The following PIK3CB variants were observed in gnomAD, a reference collection of about 807,000 sequenced individuals.
The protein encoded by PIK3CB is phosphatidylinositol 4,5-bisphosphate 3-kinase catalytic subunit beta isoform.
In PIK3CB, 39 loss-of-function variants were observed where a neutral mutation model predicts 136.8. That is an observed-to-expected ratio of 0.29 (90% CI 0.22 to 0.37). The LOEUF is 0.37. Among genes scored for constraint, PIK3CB ranks in the 10% least tolerant of loss-of-function variants. The pLI is 1.00. For synonymous variants in PIK3CB, 428 were observed against 436.6 expected (o/e 0.98, Z 0.25); for missense variants, 868 against 1,275.4 (o/e 0.68, Z 4.87).
chr3:138,834,506 C>T (rs144442634), intron 1 of PIK3CB, among the ~76,000 whole-genome samples, 189 bp downstream of exon 1: 10 of 152,308 alleles, frequency 6.6e-5, no homozygotes, highest in Non-Finnish European at 8.8e-5. Context: ...AAGCCAGACG[C>T]CCCCACCGGC....
rs759331142 is a variant in PIK3CB, at chr3:138,714,665, C to G, written c.1105G>C (p.Val369Leu). 7 of 1,612,446 alleles carry G rather than the reference C, an allele frequency of 4.3e-6. No homozygotes were observed. Among genetic ancestry groups the G allele is most frequent in the Admixed American group, 1.7e-5 (1 of 59,978 alleles). Residue 369 changes from valine (V) to leucine (L), a missense_variant, in exon 9 of 24, where the codon GTA (valine) becomes CTA (leucine). Physicochemically the swap from Val to Leu is conservative, Grantham distance 32. This residue lies in a region of PIK3CB where 612 missense variants were observed against 801.1 expected (regional missense o/e 0.76). Coordinates refer to ENST00000674063, the MANE Select transcript of PIK3CB (RefSeq NM_006219.3). ...HGTELLCKTI[V>L]SSEVSGKNDH... ...TTTTTCCCTGATACCTCTGAGCTTA[C>G]GATGGTTTTACACAGGAGCTCAGTA... is the stretch of plus-strand genomic sequence containing the variant.
chr3:138,700,692 AAGATAGATAGATAGATAGATAGATAGAT>A (rs56054471), intron 12 of PIK3CB, among the ~76,000 whole-genome samples: 140 of 143,992 alleles, frequency 9.7e-4, no homozygotes, highest in African/African-American at 3.5e-3. Flanking sequence ...TGACTCTAAA[AAGATAGATAGATAGATAGATAGATAGAT>A]AGATAGATAG....
intron 2 of PIK3CB, among the ~76,000 whole-genome samples, chr3:138,780,167 C>T (rs1211864068): frequency 6.6e-6 from 1 of 152,052 alleles, no homozygotes; most frequent in African/African-American, 2.4e-5. Flanking sequence ...CTAATGTTGG[C>T]CAGACTGGTC....
intron 12 of PIK3CB, among the ~76,000 whole-genome samples, chr3:138,701,963 T>C (rs1352357027): frequency 6.6e-6 from 1 of 150,792 alleles, no homozygotes; most frequent in Non-Finnish European, 1.5e-5. Context: ...TATATGTATA[T>C]ATAGATCTCA....
Position 138,656,231 on chromosome 3 carries a change from G to C in PIK3CB, c.2986C>G (p.His996Asp). 1 of 1,614,142 alleles carries C rather than the reference G, an allele frequency of 6.2e-7. No homozygotes were observed. Among genetic ancestry groups the C allele is most frequent in the South Asian group, 1.1e-5 (1 of 91,070 alleles). Reference sequence around the variant, plus strand: ...AAGAGAGTGATGAAGAGATTCCCATGCCGTCGTAAAATCAGATATGCATCC... The same window carrying C: ...AAGAGAGTGATGAAGAGATTCCCATCCCGTCGTAAAATCAGATATGCATCC... ...CEDAYLILRR[H>D]GNLFITLFAL... Residue 996 changes from histidine to aspartate, a missense_variant, in exon 23 of 24, where the codon CAT becomes GAT. By Grantham distance (81) the His-to-Asp change is moderately conservative (BLOSUM62 -1). Coordinates refer to ENST00000674063, the MANE Select transcript of PIK3CB (RefSeq NM_006219.3).
chr3:138,675,035 G>C (rs1378656304), intron 19 of PIK3CB, among the ~76,000 whole-genome samples: 1 of 152,086 alleles, frequency 6.6e-6, no homozygotes, highest in Non-Finnish European at 1.5e-5. Flanking sequence ...TCCAGCCTGG[G>C]CGACAGCACA....
chr3:138,725,022 G>A (rs2044807422), intron 8 of PIK3CB, among the ~76,000 whole-genome samples: 1 of 152,120 alleles, frequency 6.6e-6, no homozygotes, highest in Admixed American at 6.6e-5. Context: ...GTGGGGGTAG[G>A]GGGTGTGGGT....
chr3:138,781,620 T>C (rs906796768), intron 2 of PIK3CB, among the ~76,000 whole-genome samples: 20 of 152,026 alleles, frequency 1.3e-4, no homozygotes, highest in African/African-American at 4.8e-4. Flanking sequence ...GCCTGGCTAA[T>C]TTTTTTGTAT....
intron 17 of PIK3CB, among the ~76,000 whole-genome samples, chr3:138,684,417 A>G (rs1433419617): frequency 2.6e-5 from 4 of 152,270 alleles, no homozygotes; most frequent in African/African-American, 7.2e-5. Context: ...TTCATTTGTA[A>G]TAACTTTCAC....
chr3:138,818,457 T>C (rs1341684717), intron 1 of PIK3CB, among the ~76,000 whole-genome samples: 2 of 152,314 alleles, frequency 1.3e-5, no homozygotes, highest in East Asian at 3.9e-4. Flanking sequence ...GGTTTAACTA[T>C]ATGCTCTTTA....
Position 138,772,434 on chromosome 3 carries a change from T to C in PIK3CB, c.-16-13075A>G, listed in dbSNP as rs1407062981. 2.6e-5 allele frequency among the ~76,000 whole-genome samples: 4 copies of C among 152,114 alleles called. No individual in the cohort carries two copies. The East Asian group carries it at 7.7e-4, about 29-fold the overall frequency. ...TAGGTTAGAACTTAGCAATTTATTC[T>C]GTATTTTTAAAAATTATTTTATTTT... On this transcript the variant is annotated intron_variant, in intron 2 of 23. Coordinates refer to ENST00000674063, the MANE Select transcript of PIK3CB (RefSeq NM_006219.3).
intron 3 of PIK3CB, 65 bp downstream of exon 3, chr3:138,759,108 A>G (rs1648020131): frequency 1.0e-6 from 1 of 964,238 alleles, no homozygotes; most frequent in Non-Finnish European, 1.5e-6. Context: ...TTTCTATTAT[A>G]GAATGATATT....
At chr3:138,659,382 C>A in intron 21 of PIK3CB, among the ~76,000 whole-genome samples, 1 of 152,078 alleles carries the variant, frequency 6.6e-6, no homozygotes, top group South Asian at 2.1e-4. Flanking sequence ...GGCGTGGTGG[C>A]GCATGCCTGT....
At chr3:138,810,262 T>C (rs1169990794) in intron 1 of PIK3CB, among the ~76,000 whole-genome samples, 2 of 152,118 alleles carry the variant, frequency 1.3e-5, no homozygotes, top group African/African-American at 4.8e-5. Context: ...TTTGTGTAGA[T>C]ACACCCCCAT....
intron 2 of PIK3CB, among the ~76,000 whole-genome samples, chr3:138,773,367 G>C (rs1008527063): frequency 7.9e-5 from 12 of 151,966 alleles, no homozygotes; most frequent in Non-Finnish European, 1.5e-5. Flanking sequence ...CTCCAGCCTG[G>C]GCGATAGAGT....
chr3:138,768,521 G>C (rs1276569435), intron 2 of PIK3CB, among the ~76,000 whole-genome samples: 2 of 152,198 alleles, frequency 1.3e-5, no homozygotes, highest in African/African-American at 4.8e-5. Context: ...CTAGTCCATG[G>C]AACTGGCAGC....
At chr3:138,785,145 G>A (rs1490730460) in intron 2 of PIK3CB, among the ~76,000 whole-genome samples, 5 of 151,342 alleles carry the variant, frequency 3.3e-5, no homozygotes, top group Non-Finnish European at 7.4e-5. Flanking sequence ...GGAGGGAGAT[G>A]GGGGGCAGCC....
At chr3:138,721,444 C>G (rs1279588087) in intron 8 of PIK3CB, among the ~76,000 whole-genome samples, 1 of 152,156 alleles carries the variant, frequency 6.6e-6, no homozygotes, top group Admixed American at 6.6e-5. Context: ...GGATTACAGG[C>G]ATGAGCCACT....
chr3:138,659,076 T>G (rs781133241), intron 21 of PIK3CB, among the ~76,000 whole-genome samples: 1 of 152,246 alleles, frequency 6.6e-6, no homozygotes, highest in Non-Finnish European at 1.5e-5. Context: ...CACACTGACA[T>G]AGGCCATATA....
Sources: gnomAD v4.1 joint callset for allele counts (sites outside exome capture counted in the v4.1 genomes callset) on GRCh38, gnomAD v4.1.1 for gene constraint, gnomAD v4.1.1 regional missense constraint, MANE v1.5 for transcripts, NCBI Gene and HGNC (gene_info 2026-07-23, HGNC 2026-07-21) for gene names.